SCCPDH: variants seen among roughly 807,000 people sequenced by gnomAD.
The protein encoded by SCCPDH is saccharopine dehydrogenase-like oxidoreductase.
In SCCPDH, 34 loss-of-function variants were observed where a neutral mutation model predicts 51.5. The observed-to-expected ratio is 0.66, with a 90% CI of 0.50 to 0.88. The LOEUF is 0.88. Ranked by LOEUF, SCCPDH falls within the 40% of genes least tolerant of loss-of-function variation. The pLI, the probability that SCCPDH is intolerant of heterozygous loss-of-function variation, is 0.00. For missense variants in SCCPDH, 464 were observed against 527.1 expected (o/e 0.88, Z 1.17); for synonymous variants, 187 against 191.3 (o/e 0.98, Z 0.19).
intron 2 of SCCPDH, among the ~76,000 whole-genome samples, chr1:246,735,509 G>A (rs1453625692): frequency 6.6e-6 from 1 of 152,116 alleles, no homozygotes; most frequent in Non-Finnish European, 1.5e-5. Context: ...TGTGAGAGAT[G>A]GTATTGTGCA....
chr1:246,740,323 A>G lies in SCCPDH; in HGVS notation c.514+22A>G, dbSNP rs373724911. 50 of 1,570,980 alleles carry G rather than the reference A, an allele frequency of 3.2e-5. No homozygotes were observed. In the African/African-American group the frequency reaches 5.8e-4, roughly 18 times the overall value. On this transcript the variant is annotated intron_variant, in intron 4 of 11. Transcript: ENST00000366510. ...AATGGTAATTATTGATCAATAAGCA[A>G]TAATGGAATTTAACAGTACCGTGCA...
chr1:246,732,797 T>C (rs1333317863), intron 2 of SCCPDH, among the ~76,000 whole-genome samples: 2 of 152,148 alleles, frequency 1.3e-5, no homozygotes, highest in Non-Finnish European at 2.9e-5. Flanking sequence ...CTTTGTATTC[T>C]CTTATTTCAT....
intron 11 of SCCPDH, 33 bp downstream of exon 11, chr1:246,766,172 T>C (rs1404770778): frequency 7.1e-7 from 1 of 1,416,480 alleles, no homozygotes; most frequent in Non-Finnish European, 9.9e-7. Context: ...TAGAAGATCT[T>C]TTTTATCTAT....
intron 3 of SCCPDH, among the ~76,000 whole-genome samples, chr1:246,738,308 C>T (rs920035439): frequency 2.6e-5 from 4 of 151,114 alleles, no homozygotes; most frequent in African/African-American, 7.3e-5. Flanking sequence ...GTCAAGAGAT[C>T]GAGACCATCT....
At chr1:246,730,440 C>A (rs973453476) in intron 2 of SCCPDH, among the ~76,000 whole-genome samples, 14 of 152,172 alleles carry the variant, frequency 9.2e-5, no homozygotes, top group African/African-American at 2.9e-4. Flanking sequence ...AGCTTTAGAA[C>A]CTCAATAACC....
intron 5 of SCCPDH, among the ~76,000 whole-genome samples, chr1:246,753,052 A>ACTCT (rs113895610): frequency 9.9e-6 from 1 of 101,262 alleles, no homozygotes; most frequent in African/African-American, 3.4e-5. Context: ...TTTTTCTTTG[A>ACTCT]CTCTCTCTCT....
chr1:246,759,181 AGT>A (rs756988738), intron 7 of SCCPDH, 30 bp downstream of exon 7: 11 of 1,169,760 alleles, frequency 9.4e-6, no homozygotes, highest in African/African-American at 3.0e-5. Context: ...TTATCAATAA[AGT>A]GTGTGTTACA....
At chr1:246,743,720 A>G (rs921599860) in intron 4 of SCCPDH, among the ~76,000 whole-genome samples, 1 of 152,166 alleles carries the variant, frequency 6.6e-6, no homozygotes, top group African/African-American at 2.4e-5. Flanking sequence ...GGTGAGCTCA[A>G]TTGTTGCTTT....
rs887873354 is a variant in SCCPDH at position 246,764,177 on chromosome 1, T to C, written c.991-69T>C. The C allele has an allele frequency of 3.1e-5, 28 of 888,892 alleles. No individual in the cohort carries two copies. In the African/African-American group the frequency reaches 4.2e-4, roughly 13 times the overall value. The allele number at this position is 888,892 out of a possible 1,614,324, so 55.1% of individuals were successfully genotyped here. On this transcript the variant is annotated intron_variant, in intron 9 of 11. Coordinates refer to ENST00000366510, the MANE Select transcript of SCCPDH (RefSeq NM_016002.3). ...CAATGTCTCACTTGAAATAGAATAG[T>C]CGGTTTTACTATGTTCCAGGAGGAA...
chr1:246,730,060 C>A (rs1010015731), intron 2 of SCCPDH, among the ~76,000 whole-genome samples: 1 of 152,144 alleles, frequency 6.6e-6, no homozygotes, highest in Non-Finnish European at 1.5e-5. Flanking sequence ...CTGCTTGATT[C>A]CACATACCCT....
chr1:246,755,180 T>C (rs949980696), intron 5 of SCCPDH, among the ~76,000 whole-genome samples: 1 of 152,266 alleles, frequency 6.6e-6, no homozygotes, highest in African/African-American at 2.4e-5. Context: ...TATTCATGGA[T>C]TAAAATATGA....
intron 1 of SCCPDH, among the ~76,000 whole-genome samples, chr1:246,724,930 CCT>C (rs1558164820): frequency 1.3e-5 from 2 of 152,030 alleles, no homozygotes; most frequent in African/African-American, 4.8e-5. Context: ...TTGAGTTGTC[CCT>C]CTCTCTGCTT....
Position 246,758,356 on chromosome 1 carries a change from G to A in SCCPDH, c.695G>A (p.Arg232Lys). 1 of 1,586,962 alleles carries A rather than the reference G, an allele frequency of 6.3e-7. No homozygotes were observed. Among genetic ancestry groups the A allele is most frequent in the Non-Finnish European group, 8.6e-7 (1 of 1,168,412 alleles). Residue 232 changes from arginine to lysine, a missense_variant and splice_region_variant, in exon 6 of 12, where the codon AGG becomes AAG. Arg to Lys is a conservative substitution (Grantham distance 26). Transcript: ENST00000366510. ...CTCATTGGTCCAAAATTGAAGAGAA[G>A]GTAAATTAACTTAAAATCCATTTTT... Reference protein sequence around the residue: ...VPLIGPKLKRRWPISYCRELK... With the variant: ...VPLIGPKLKRKWPISYCRELK...
chr1:246,749,756 C>G (rs1246508002), intron 5 of SCCPDH, among the ~76,000 whole-genome samples: 1 of 152,208 alleles, frequency 6.6e-6, no homozygotes, highest in Admixed American at 6.5e-5. Context: ...ATACTGGACT[C>G]TTTGTCAAAG....
At chr1:246,760,134 T>TA (rs746480827) in intron 8 of SCCPDH, 37 bp from the exon 9 acceptor site, 317 of 1,595,278 alleles carry the variant, frequency 2.0e-4, no homozygotes, top group Non-Finnish European at 2.5e-4. Context: ...CCATGAGTTT[T>TA]AAAAAAATAT....
chr1:246,754,076 A>T (rs1668894637), intron 5 of SCCPDH, among the ~76,000 whole-genome samples: 1 of 151,378 alleles, frequency 6.6e-6, no homozygotes, highest in Non-Finnish European at 1.5e-5. Flanking sequence ...CATCTTAGAG[A>T]TGTGTCTCCT....
In SCCPDH at chr1:246,733,083, G is replaced by A. The variant is rs184728212; in HGVS notation, c.304-2892G>A. On this transcript the variant is annotated intron_variant, in intron 2 of 11. Transcript: ENST00000366510. ...CAGGCTGAACTAGAGGCTATACTTT[G>A]TTTTTTATTTTTATTTTTTTGAGAT... 7.2e-4 allele frequency among the ~76,000 whole-genome samples: 110 copies of A among 152,196 alleles called. 2 individuals carry two copies. The East Asian group carries it at 0.014, about 20-fold the overall frequency.
intron 2 of SCCPDH, among the ~76,000 whole-genome samples, 190 bp downstream of exon 2, chr1:246,727,194 C>G (rs1668413837): frequency 6.6e-6 from 1 of 152,222 alleles, no homozygotes; most frequent in Non-Finnish European, 1.5e-5. Flanking sequence ...GTGACAGGCT[C>G]TCCATGACGT....
At chr1:246,748,207 G>A (rs75005841) in intron 5 of SCCPDH, among the ~76,000 whole-genome samples, 7,659 of 152,126 alleles carry the variant, frequency 0.05, 367 homozygotes, top group East Asian at 0.17. Context: ...ACTAGCCCAC[G>A]GATGCACGGT....
Sources: gnomAD v4.1 joint callset for allele counts (sites outside exome capture counted in the v4.1 genomes callset) on GRCh38, gnomAD v4.1.1 for gene constraint, MANE v1.5 for transcripts, NCBI Gene and HGNC (gene_info 2026-07-23, HGNC 2026-07-21) for gene names.